The following SPOCK1 variants were observed in gnomAD, a reference collection of about 807,000 sequenced individuals.
The protein encoded by SPOCK1 is testican-1.
SPOCK1 carries 23 observed loss-of-function variants against 55.3 expected under a neutral mutation model. The observed-to-expected ratio is 0.42, with a 90% CI of 0.30 to 0.59. The LOEUF is 0.59. Among genes scored for constraint, SPOCK1 ranks in the 20% least tolerant of loss-of-function variants. The probability of loss-of-function intolerance (pLI) is 0.22; values close to 1 mark genes in which losing one functional copy is unlikely to be tolerated. For synonymous variants in SPOCK1, 226 were observed against 221.0 expected, an observed-to-expected ratio of 1.02 and a Z score of -0.20; for missense variants, 499 against 552.5, an observed-to-expected ratio of 0.90 and a Z score of 0.97.
chr5:137,198,633 C>T (rs1164447899), intron 3 of SPOCK1, among the ~76,000 whole-genome samples: 1 of 152,170 alleles, frequency 6.6e-6, no homozygotes, highest in Non-Finnish European at 1.5e-5. Context: ...ACTAGTAAGA[C>T]TTTAATACTT....
intron 6 of SPOCK1, among the ~76,000 whole-genome samples, chr5:136,999,202 A>G (rs1372636529): frequency 6.6e-6 from 1 of 152,196 alleles, no homozygotes; most frequent in Non-Finnish European, 1.5e-5. Flanking sequence ...AGGACAGAGA[A>G]GCTGCTCCAG....
intron 3 of SPOCK1, among the ~76,000 whole-genome samples, chr5:137,218,671 C>A (rs1312653209): frequency 6.6e-6 from 1 of 152,148 alleles, no homozygotes; most frequent in Non-Finnish European, 1.5e-5. Flanking sequence ...AACAAATGAG[C>A]CACTGGTCTC....
intron 2 of SPOCK1, among the ~76,000 whole-genome samples, chr5:137,498,161 T>C (rs1226686333): frequency 6.6e-6 from 1 of 152,048 alleles, no homozygotes; most frequent in African/African-American, 2.4e-5. Flanking sequence ...GGCAAGCGCA[T>C]GGAGCCTTCG....
chr5:137,023,372 T>G (rs867809489), intron 6 of SPOCK1, among the ~76,000 whole-genome samples: 20 of 151,986 alleles, frequency 1.3e-4, no homozygotes, highest in Admixed American at 3.9e-4. Flanking sequence ...AGCTCCCCAG[T>G]AGAGAGTAGG....
intron 6 of SPOCK1, among the ~76,000 whole-genome samples, chr5:137,019,237 T>C (rs1337662447): frequency 6.6e-6 from 1 of 152,158 alleles, no homozygotes; most frequent in East Asian, 1.9e-4. Context: ...GTGCAGAAAG[T>C]TTATAAAATA....
chr5:137,420,356 G>C (rs368858896), intron 2 of SPOCK1, among the ~76,000 whole-genome samples: 2 of 152,186 alleles, frequency 1.3e-5, no homozygotes, highest in Non-Finnish European at 2.9e-5. Context: ...GATTGGAATA[G>C]TTTCAGAAGG....
At chr5:137,103,503 C>G (rs929129490) in intron 5 of SPOCK1, among the ~76,000 whole-genome samples, 3 of 152,196 alleles carry the variant, frequency 2.0e-5, no homozygotes, top group Non-Finnish European at 4.4e-5. Flanking sequence ...ATCCTGGACC[C>G]AGAGACAGAA....
chr5:137,367,930 T>A (rs958680418), intron 2 of SPOCK1, among the ~76,000 whole-genome samples: 4 of 152,210 alleles, frequency 2.6e-5, no homozygotes, highest in African/African-American at 7.2e-5. Flanking sequence ...CACCTCTAGT[T>A]AGGAAACTGC....
intron 5 of SPOCK1, among the ~76,000 whole-genome samples, chr5:137,079,735 C>T (rs1490995283): frequency 6.6e-6 from 1 of 152,120 alleles, no homozygotes; most frequent in Non-Finnish European, 1.5e-5. Context: ...CCTCCCCGTC[C>T]CTGCTTCACT....
intron 5 of SPOCK1, among the ~76,000 whole-genome samples, chr5:137,096,625 C>T (rs1426017457): frequency 6.6e-6 from 1 of 152,242 alleles, no homozygotes; most frequent in African/African-American, 2.4e-5. Context: ...TGAATCATCA[C>T]AGCACATAGT....
chr5:137,382,036 C>G (rs1751482897), intron 2 of SPOCK1, among the ~76,000 whole-genome samples: 1 of 152,198 alleles, frequency 6.6e-6, no homozygotes. Flanking sequence ...TTAGAAACAA[C>G]CAGGTCACAT....
chr5:137,498,688 C>A, intron 1 of SPOCK1, 130 bp from the exon 2 acceptor site: 4 of 676,704 alleles, frequency 5.9e-6, no homozygotes, highest in Non-Finnish European at 7.7e-6. Flanking sequence ...GCTCGCGCAC[C>A]TGGGGCGCCT....
At position 137,030,930 on chromosome 5, in the gene SPOCK1, T is replaced by C. The variant is rs73790641; in HGVS notation, c.589+36785A>G. On this transcript the variant is annotated intron_variant, in intron 6 of 10. Coordinates refer to ENST00000394945, the MANE Select transcript of SPOCK1 (RefSeq NM_004598.4). ...TGATTCGAGGGGAGTTTGTGATATA[T>C]CTTAAAGTCAGAAAAGTAGGTTCCA... Among the ~76,000 whole-genome samples, 529 of 152,314 alleles carry C rather than the reference T, an allele frequency of 3.5e-3. 3 individuals are homozygous for C. Among genetic ancestry groups the C allele is most frequent in the African/African-American group, 0.012 (504 of 41,576 alleles).
chr5:137,069,767 G>A (rs1342283161), intron 5 of SPOCK1, among the ~76,000 whole-genome samples: 2 of 152,240 alleles, frequency 1.3e-5, no homozygotes, highest in African/African-American at 2.4e-5. Flanking sequence ...CAGACTAGTG[G>A]TTCTCTGGCT....
Position 136,978,177 on chromosome 5 carries a change from G to T in SPOCK1, c.*477C>A, listed in dbSNP as rs772576895. On this transcript the variant is annotated 3_prime_UTR_variant, in exon 11 of 11. Coordinates refer to ENST00000394945, the MANE Select transcript of SPOCK1 (RefSeq NM_004598.4). ...GCAGTAACGGGGGCAGGGGGAAAAAGTACAGTGTGGTGTATTTTTTGTTTT... is the reference window on the plus strand; with the variant it reads ...GCAGTAACGGGGGCAGGGGGAAAAATTACAGTGTGGTGTATTTTTTGTTTT... The T allele has an allele frequency of 1.6e-5, 6 of 371,522 alleles. No homozygotes were observed. The highest frequency in any genetic ancestry group is 4.2e-5 in the African/African-American group (2 of 48,024). 23.0% of individuals were successfully genotyped at this position (371,522 alleles called of 1,614,324 possible).
At chr5:137,456,140 T>C (rs1320273179) in intron 2 of SPOCK1, among the ~76,000 whole-genome samples, 1 of 152,068 alleles carries the variant, frequency 6.6e-6, no homozygotes, top group Non-Finnish European at 1.5e-5. Flanking sequence ...ATTTAATAAG[T>C]GAGACTGCTC....
intron 2 of SPOCK1, among the ~76,000 whole-genome samples, chr5:137,397,248 G>A (rs1434962393): frequency 6.6e-6 from 1 of 152,122 alleles, no homozygotes; most frequent in Non-Finnish European, 1.5e-5. Context: ...ACCTAGCAAG[G>A]GCTGGTCCAA....
chr5:137,269,914 T>TA (rs1415127067), intron 2 of SPOCK1, among the ~76,000 whole-genome samples: 6 of 151,886 alleles, frequency 4.0e-5, no homozygotes, highest in African/African-American at 1.2e-4. Context: ...AGCCAGGCTT[T>TA]TAAAAAAAAA....
chr5:137,325,961 A>C lies in SPOCK1; in HGVS notation c.187-58906T>G, dbSNP rs144632920. Among the ~76,000 whole-genome samples, 1,414 of 152,334 alleles carry C rather than the reference A, an allele frequency of 9.3e-3. 17 individuals carry two copies. Among genetic ancestry groups the C allele is most frequent in the Non-Finnish European group, 0.015 (993 of 68,028 alleles). ...CCTTTTGGTTCTGATTGATATCAAC[A>C]GGTCAACCTCTAAAAGGGCTGCACC... is the stretch of plus-strand genomic sequence containing the variant. On this transcript the variant is annotated intron_variant, in intron 2 of 10. Transcript: ENST00000394945.
Sources: allele counts gnomAD v4.1 joint callset (sites outside exome capture counted in the v4.1 genomes callset), GRCh38; gene constraint gnomAD v4.1.1; transcripts MANE v1.5; gene names NCBI Gene and HGNC (gene_info 2026-07-23, HGNC 2026-07-21).